AP1S3: variants seen among roughly 807,000 people sequenced by gnomAD.
AP1S3 encodes AP-1 complex subunit sigma-3.
In AP1S3, 10 loss-of-function variants were observed where a neutral mutation model predicts 20.9. The observed-to-expected ratio is 0.48, with a 90% CI of 0.29 to 0.81. The LOEUF (loss-of-function observed/expected upper bound fraction) is 0.81, where lower values mean the gene tolerates loss of function less well. Among genes scored for constraint, AP1S3 ranks in the 30% least tolerant of loss-of-function variants. The probability of loss-of-function intolerance (pLI) is 0.08; values close to 1 mark genes in which losing one functional copy is unlikely to be tolerated. For synonymous variants in AP1S3, 41 were observed against 61.5 expected (o/e 0.67, Z 1.56); for missense variants, 154 against 183.8 (o/e 0.84, Z 0.94).
chr2:223,817,512 G>A (rs1691872145), intron 1 of AP1S3, among the ~76,000 whole-genome samples: 1 of 150,878 alleles, frequency 6.6e-6, no homozygotes, highest in African/African-American at 2.4e-5. Flanking sequence ...GGAGGCTGAG[G>A]CAGGAGAATT....
At chr2:223,794,227 G>T (rs903629827) in intron 1 of AP1S3, among the ~76,000 whole-genome samples, 9 of 151,950 alleles carry the variant, frequency 5.9e-5, no homozygotes, top group African/African-American at 2.2e-4. Flanking sequence ...TAATATTCTG[G>T]GTGGAGAATT....
Position 223,788,482 on chromosome 2 carries a change from G to A in AP1S3, c.4-10613C>T, listed in dbSNP as rs572411046. 2.1e-4 allele frequency among the ~76,000 whole-genome samples: 32 copies of A among 151,646 alleles called. 1 individual carries two copies. Among genetic ancestry groups the A allele is most frequent in the Admixed American group, 9.8e-4 (15 of 15,260 alleles). ...ACAAAAATTAGCTGGGGCTGGGCGC[G>A]GTGGCTCACGCCTGTAATCCCAGCA... On this transcript the variant is annotated intron_variant, in intron 1 of 4. Coordinates refer to ENST00000396654, the MANE Select transcript of AP1S3 (RefSeq NM_001039569.2).
intron 4 of AP1S3, among the ~76,000 whole-genome samples, chr2:223,762,342 GGCTCACT>G (rs57832955): frequency 0.19 from 27,253 of 142,920 alleles, 4,565 homozygotes; most frequent in African/African-American, 0.44. Context: ...GTGGAATCTC[GGCTCACT>G]GCAATCTCTG....
chr2:223,780,276 A>AATATATATATAT, intron 1 of AP1S3, among the ~76,000 whole-genome samples: 8 of 24,382 alleles, frequency 3.3e-4, no homozygotes, highest in Non-Finnish European at 4.4e-4. Context: ...ATGCCTGGCT[A>AATATATATATAT]ATATATATAT....
rs181633035 is a variant in AP1S3 at position 223,772,431 on chromosome 2, C to T, written c.291+3470G>A. On this transcript the variant is annotated intron_variant, in intron 3 of 4. Coordinates refer to ENST00000396654, the MANE Select transcript of AP1S3 (RefSeq NM_001039569.2). ...ACTCCCTACATCAAATTCAAAAGCT[C>T]TCTGGGAGATCAACATCCTCACACA... Among the ~76,000 whole-genome samples the T allele has an allele frequency of 5.9e-5, 9 of 152,256 alleles. No individual in the cohort carries two copies. The East Asian group carries it at 1.7e-3, about 29-fold the overall frequency.
chr2:223,827,992 G>C (rs1692170494), intron 1 of AP1S3, among the ~76,000 whole-genome samples: 1 of 141,482 alleles, frequency 7.1e-6, no homozygotes, highest in South Asian at 2.4e-4. Flanking sequence ...CCAGGAGGTA[G>C]AGGTTGCAGT....
chr2:223,770,466 G>A (rs1690592717), intron 3 of AP1S3: 1 of 1,128,010 alleles, frequency 8.9e-7, no homozygotes, highest in Non-Finnish European at 1.2e-6. Context: ...ATAAGGGTAA[G>A]GTAAGGTGGT....
intron 1 of AP1S3, among the ~76,000 whole-genome samples, chr2:223,833,549 A>C (rs1386303653): frequency 6.6e-6 from 1 of 152,160 alleles, no homozygotes; most frequent in Non-Finnish European, 1.5e-5. Context: ...GGAATCAAGA[A>C]CCATTTTCTG....
intron 1 of AP1S3, among the ~76,000 whole-genome samples, chr2:223,807,374 T>C (rs1204905574): frequency 1.3e-5 from 2 of 152,204 alleles, no homozygotes; most frequent in Non-Finnish European, 2.9e-5. Context: ...ATAGATATTA[T>C]TCAGGGACAT....
chr2:223,804,893 T>C (rs1691544399), intron 1 of AP1S3, among the ~76,000 whole-genome samples: 1 of 152,186 alleles, frequency 6.6e-6, no homozygotes, highest in Non-Finnish European at 1.5e-5. Context: ...TTACAGGGAA[T>C]TGGCAGATCT....
chr2:223,789,050 C>G (rs779245883), intron 1 of AP1S3, among the ~76,000 whole-genome samples: 1 of 151,942 alleles, frequency 6.6e-6, no homozygotes, highest in African/African-American at 2.4e-5. Context: ...TTTTAAGCAC[C>G]CTGCTTCTAA....
chr2:223,763,392 C>A (rs978411740), intron 4 of AP1S3, among the ~76,000 whole-genome samples: 1 of 152,068 alleles, frequency 6.6e-6, no homozygotes, highest in Non-Finnish European at 1.5e-5. Context: ...TGTCTTGGCC[C>A]CCAATTCAGC....
At chr2:223,789,038 C>A (rs1691143905) in intron 1 of AP1S3, among the ~76,000 whole-genome samples, 1 of 152,158 alleles carries the variant, frequency 6.6e-6, no homozygotes, top group African/African-American at 2.4e-5. Flanking sequence ...TGCCTGTCAG[C>A]ATTTTAAGCA....
intron 1 of AP1S3, among the ~76,000 whole-genome samples, chr2:223,813,212 G>C (rs1025668379): frequency 7.2e-5 from 11 of 152,252 alleles, no homozygotes; most frequent in South Asian, 2.1e-4. Context: ...CTCCCAAAGT[G>C]CTGGGAGTAC....
At chr2:223,805,553 C>T (rs1261842088) in intron 1 of AP1S3, among the ~76,000 whole-genome samples, 1 of 152,128 alleles carries the variant, frequency 6.6e-6, no homozygotes, top group Non-Finnish European at 1.5e-5. Context: ...TAAAATTTAG[C>T]CTCAAAATTT....
chr2:223,810,227 T>A (rs1691689947), intron 1 of AP1S3, among the ~76,000 whole-genome samples: 1 of 152,146 alleles, frequency 6.6e-6, no homozygotes, highest in Non-Finnish European at 1.5e-5. Flanking sequence ...GCTGACCCAG[T>A]GAAAATTTAG....
intron 2 of AP1S3, among the ~76,000 whole-genome samples, chr2:223,776,843 A>C (rs1426173474): frequency 6.6e-6 from 1 of 151,986 alleles, no homozygotes; most frequent in Non-Finnish European, 1.5e-5. Flanking sequence ...ACCAATTAAC[A>C]CTCAATTACT....
intron 1 of AP1S3, among the ~76,000 whole-genome samples, chr2:223,814,204 T>C (rs983693782): frequency 2.0e-5 from 3 of 152,178 alleles, no homozygotes; most frequent in Admixed American, 6.6e-5. Context: ...TCTGTGACTC[T>C]GGGAGAAAGA....
At chr2:223,808,883 C>A (rs1362993037) in intron 1 of AP1S3, among the ~76,000 whole-genome samples, 3 of 152,042 alleles carry the variant, frequency 2.0e-5, no homozygotes, top group Non-Finnish European at 4.4e-5. Flanking sequence ...GTGGTCCCAG[C>A]TACTGGGAGG....
Sources: gnomAD v4.1 joint callset for allele counts (sites outside exome capture counted in the v4.1 genomes callset) on GRCh38, gnomAD v4.1.1 for gene constraint, MANE v1.5 for transcripts, NCBI Gene and HGNC (gene_info 2026-07-23, HGNC 2026-07-21) for gene names.